MEGF9: variants seen among roughly 807,000 people sequenced by gnomAD.
MEGF9 encodes multiple epidermal growth factor-like domains protein 9.
MEGF9 carries 6 observed loss-of-function variants against 46.8 expected under a neutral mutation model. The ratio of observed to expected loss-of-function variants is 0.13; its 90% CI spans 0.07 to 0.25. MEGF9 has a LOEUF of 0.25. MEGF9 is among the 10% of genes least tolerant of loss of function. The pLI is 1.00. For synonymous variants in MEGF9, 302 were observed against 330.7 expected (o/e 0.91, Z 0.94); for missense variants, 683 against 792.4 (o/e 0.86, Z 1.66).
chr9:120,669,021 C>T (rs937374003), intron 1 of MEGF9, among the ~76,000 whole-genome samples: 19 of 152,106 alleles, frequency 1.2e-4, no homozygotes, highest in African/African-American at 4.3e-4. Context: ...TCAGTGTCTC[C>T]ATGTACAAAA....
intron 2 of MEGF9, among the ~76,000 whole-genome samples, chr9:120,630,028 C>A (rs1469872020): frequency 6.6e-6 from 1 of 151,986 alleles, no homozygotes; most frequent in Non-Finnish European, 1.5e-5. Context: ...GTTCAGTATA[C>A]CTTGACCATC....
chr9:120,690,522 A>C (rs903343840), intron 1 of MEGF9, among the ~76,000 whole-genome samples: 8 of 152,184 alleles, frequency 5.3e-5, no homozygotes, highest in African/African-American at 9.6e-5. Flanking sequence ...TGCTTGGGGC[A>C]GCTTCTCTAT....
rs145569665 is a variant in MEGF9 at position 120,651,802 on chromosome 9, G to A, written c.803+7572C>T. On this transcript the variant is annotated intron_variant, in intron 2 of 5. Transcript: ENST00000373930. ...TGTGTAGCTGGGATTACAGGCACCC[G>A]CCAGCATGCCCGGCTAATTTTTGTA... Among the ~76,000 whole-genome samples the A allele has an allele frequency of 9.1e-3, 1,381 of 151,442 alleles. 22 individuals are homozygous for A. Among genetic ancestry groups the A allele is most frequent in the African/African-American group, 0.032 (1,308 of 41,254 alleles).
intron 2 of MEGF9, among the ~76,000 whole-genome samples, chr9:120,652,478 T>TAAAAAAAAA (rs57268783): frequency 8.2e-5 from 7 of 85,608 alleles, no homozygotes; most frequent in East Asian, 3.4e-4. Flanking sequence ...GATCTTGTCT[T>TAAAAAAAAA]AAAAAAAAAA....
At chr9:120,688,899 T>G (rs1026000199) in intron 1 of MEGF9, among the ~76,000 whole-genome samples, 2 of 152,210 alleles carry the variant, frequency 1.3e-5, no homozygotes, top group East Asian at 3.8e-4. Flanking sequence ...CAGAGAACTG[T>G]AATTCTTCTC....
At chr9:120,630,460 G>A (rs1372473718) in intron 2 of MEGF9, among the ~76,000 whole-genome samples, 1 of 152,174 alleles carries the variant, frequency 6.6e-6, no homozygotes, top group Non-Finnish European at 1.5e-5. Context: ...GTGAAGTGCT[G>A]CAATAAACAT....
chr9:120,630,960 T>C (rs2043548098), intron 2 of MEGF9, among the ~76,000 whole-genome samples: 1 of 152,224 alleles, frequency 6.6e-6, no homozygotes, highest in Non-Finnish European at 1.5e-5. Context: ...TTGCTGCCTT[T>C]GCTGTGCAAA....
At chr9:120,678,516 AG>A (rs1445744824) in intron 1 of MEGF9, among the ~76,000 whole-genome samples, 1 of 152,174 alleles carries the variant, frequency 6.6e-6, no homozygotes, top group African/African-American at 2.4e-5. Context: ...TGTGTCGCCC[AG>A]GGTGGAATGC....
intron 2 of MEGF9, among the ~76,000 whole-genome samples, chr9:120,634,844 G>GT (rs930520810): frequency 6.6e-6 from 1 of 151,912 alleles, no homozygotes; most frequent in Admixed American, 6.6e-5. Context: ...ATGTTTGGTG[G>GT]TTTTTTTGAA....
chr9:120,605,690 T>A lies in MEGF9; in HGVS notation c.1358-49A>T. ...AATGTAAAAGACAAAATTATCTAGT[T>A]TTGAGAAACAATAAAAGAAATACGC... On this transcript the variant is annotated intron_variant, in intron 5 of 5. Coordinates refer to ENST00000373930, the MANE Select transcript of MEGF9 (RefSeq NM_001080497.3). The surrounding 1 kb of genome is among the most constrained non-coding windows in gnomAD (Gnocchi z 4.0). 7.4e-7 allele frequency: 1 copy of A among 1,353,178 alleles called. No individual in the cohort carries two copies. The highest frequency in any genetic ancestry group is 2.5e-5 in the Admixed American group (1 of 39,922). The allele number at this position is 1,353,178 out of a possible 1,614,324, so 83.8% of individuals were successfully genotyped here. A position where few individuals can be genotyped will look rare whatever the true frequency, so the allele number is the denominator to read the frequency against.
At chr9:120,708,347 G>C (rs909837512) in intron 1 of MEGF9, among the ~76,000 whole-genome samples, 11 of 152,252 alleles carry the variant, frequency 7.2e-5, no homozygotes, top group Middle Eastern at 3.4e-3. Flanking sequence ...CCTGGCAACA[G>C]AGCAAAACTC....
chr9:120,632,511 T>C (rs1335459404), intron 2 of MEGF9, among the ~76,000 whole-genome samples: 1 of 152,148 alleles, frequency 6.6e-6, no homozygotes, highest in Admixed American at 6.5e-5. Flanking sequence ...GCTTTTAGGG[T>C]TTTCTATATA....
intron 1 of MEGF9, among the ~76,000 whole-genome samples, chr9:120,683,542 G>C (rs1440970380): frequency 6.6e-6 from 1 of 152,352 alleles, no homozygotes; most frequent in East Asian, 1.9e-4. Flanking sequence ...GCCATGTGAA[G>C]AAGGTCTTTG....
At chr9:120,703,374 G>A (rs1267819637) in intron 1 of MEGF9, among the ~76,000 whole-genome samples, 1 of 152,188 alleles carries the variant, frequency 6.6e-6, no homozygotes, top group Non-Finnish European at 1.5e-5. Context: ...TGCCCTCATG[G>A]AGTCTGTAAG....
At chr9:120,686,317 A>T (rs2043821938) in intron 1 of MEGF9, among the ~76,000 whole-genome samples, 1 of 152,126 alleles carries the variant, frequency 6.6e-6, no homozygotes, top group Non-Finnish European at 1.5e-5. Flanking sequence ...TAACCTCGTG[A>T]TCCGCCTGCC....
intron 1 of MEGF9, among the ~76,000 whole-genome samples, chr9:120,700,607 G>T (rs1166077721): frequency 6.6e-6 from 1 of 151,964 alleles, no homozygotes; most frequent in Non-Finnish European, 1.5e-5. Flanking sequence ...AACACAACAG[G>T]ATAAATATAT....
Position 120,672,433 on chromosome 9 carries a change from AAAATAAATAAAT to A in MEGF9, c.602-12870_602-12859del, listed in dbSNP as rs145401927. ...CATAGTGAGACCCCATCTCTACAGAAAAATAAATAAATAAATAAATAAATAAATAAATAAATA... is the reference window on the plus strand; with the variant it reads ...CATAGTGAGACCCCATCTCTACAGAAAAATAAATAAATAAATAAATAAATA... On this transcript the variant is annotated intron_variant, in intron 1 of 5. Transcript: ENST00000373930. Among the ~76,000 whole-genome samples the A allele has an allele frequency of 7.6e-3, 1,098 of 144,840 alleles. 17 individuals are homozygous for A. Among genetic ancestry groups the A allele is most frequent in the African/African-American group, 0.027 (1,028 of 37,692 alleles).
intron 2 of MEGF9, among the ~76,000 whole-genome samples, chr9:120,638,096 A>G (rs914245575): frequency 4.6e-5 from 7 of 151,992 alleles, no homozygotes; most frequent in Admixed American, 1.3e-4. Flanking sequence ...GAGCTCAAAT[A>G]ATCATCCTGC....
At position 120,604,128 on chromosome 9, in the gene MEGF9, A is replaced by G. The variant is rs1169617839; in HGVS notation, c.*1062T>C. 6.6e-6 allele frequency: 1 copy of G among 152,654 alleles called. No homozygotes were observed. The highest frequency in any genetic ancestry group is 2.4e-5 in the African/African-American group (1 of 41,466). The allele number at this position is 152,654 out of a possible 1,614,324, so 9.5% of individuals were successfully genotyped here. ...ATGCATCCTATGTCCCAGCTTAACG[A>G]TTACTGACTTCAAAATCTATTGCTT... On this transcript the variant is annotated 3_prime_UTR_variant, in exon 6 of 6. Coordinates refer to ENST00000373930, the MANE Select transcript of MEGF9 (RefSeq NM_001080497.3).
Sources: gnomAD v4.1 joint callset for allele counts (sites outside exome capture counted in the v4.1 genomes callset) on GRCh38, gnomAD v4.1.1 for gene constraint, Gnocchi (gnomAD v3.1) non-coding constraint, MANE v1.5 for transcripts, NCBI Gene and HGNC (gene_info 2026-07-23, HGNC 2026-07-21) for gene names.